The following FAM222A variants were observed in gnomAD, a reference collection of about 807,000 sequenced individuals.
FAM222A encodes family with sequence similarity 222 member A.
In FAM222A, 7 loss-of-function variants were observed where a neutral mutation model predicts 25.8. The observed-to-expected ratio is 0.27, with a 90% CI of 0.15 to 0.51. FAM222A has a LOEUF of 0.51. Among genes scored for constraint, FAM222A ranks in the 20% least tolerant of loss-of-function variants. The pLI is 0.97. For missense variants in FAM222A, 573 were observed against 640.5 expected, an observed-to-expected ratio of 0.89 and a Z score of 1.14; for synonymous variants, 294 against 298.8, an observed-to-expected ratio of 0.98 and a Z score of 0.17.
chr12:109,721,120 G>C (rs1051102521), intron 1 of FAM222A, among the ~76,000 whole-genome samples: 3 of 152,038 alleles, frequency 2.0e-5, no homozygotes, highest in Non-Finnish European at 4.4e-5. Flanking sequence ...CTCTCTGAAG[G>C]GTGTTTTTAT....
intron 1 of FAM222A, 127 bp from the exon 2 acceptor site, chr12:109,743,974 G>A: frequency 1.4e-6 from 2 of 1,417,306 alleles, no homozygotes; most frequent in Non-Finnish European, 1.8e-6. Flanking sequence ...TCGAATAAGG[G>A]AAATGGGTGT....
intron 2 of FAM222A, among the ~76,000 whole-genome samples, chr12:109,745,308 T>C (rs1455129385): frequency 6.6e-6 from 1 of 152,236 alleles, no homozygotes; most frequent in Non-Finnish European, 1.5e-5. Context: ...TCCTCATTCT[T>C]TCGCCACATA....
chr12:109,723,034 C>A (rs1458612774), intron 1 of FAM222A, among the ~76,000 whole-genome samples: 3 of 151,608 alleles, frequency 2.0e-5, no homozygotes, highest in African/African-American at 7.3e-5. Context: ...GGCCTTATTT[C>A]TTTTCATCAG....
chr12:109,734,841 G>C (rs1462160654), intron 1 of FAM222A: 1 of 152,226 alleles, frequency 6.6e-6, no homozygotes, highest in Admixed American at 6.5e-5. Context: ...TTAGAGACAC[G>C]ACGCCCCTCT....
rs1344748717 is a variant in FAM222A, at chr12:109,714,063, G to T, written c.-881G>T. Among the ~76,000 whole-genome samples, 2 of 150,790 alleles carry T rather than the reference G, an allele frequency of 1.3e-5. No individual in the cohort carries two copies. Among genetic ancestry groups the T allele is most frequent in the Non-Finnish European group, 3.0e-5 (2 of 67,550 alleles). ...GGCGCGTGAGAGCCCAGCGCGCGCGGCCCCTGCTGCGGCTTGCGAGCTCGC... is the reference window on the plus strand; with the variant it reads ...GGCGCGTGAGAGCCCAGCGCGCGCGTCCCCTGCTGCGGCTTGCGAGCTCGC... On this transcript the variant is annotated 5_prime_UTR_variant, in exon 1 of 3. Transcript: ENST00000538780. The surrounding 1 kb of genome is among the most constrained non-coding windows in gnomAD (Gnocchi z 4.2).
intron 2 of FAM222A, among the ~76,000 whole-genome samples, chr12:109,755,811 T>C (rs1237319025): frequency 6.6e-6 from 1 of 152,266 alleles, no homozygotes; most frequent in African/African-American, 2.4e-5. Flanking sequence ...TTTCTGGATT[T>C]TCTATTCCAT....
chr12:109,745,131 C>T (rs1888361902), intron 2 of FAM222A, among the ~76,000 whole-genome samples: 1 of 152,246 alleles, frequency 6.6e-6, no homozygotes, highest in South Asian at 2.1e-4. Flanking sequence ...GGGCCAGCCA[C>T]CCGCTTCCCT....
chr12:109,769,538 C>G lies in FAM222A; in HGVS notation c.*250C>G, dbSNP rs1889183688. ...GAGGGCCTGGGGGCAGCCACTGACG[C>G]CCATGCCTTCCTTTATCTAAGCTGG... is the stretch of plus-strand genomic sequence containing the variant. On this transcript the variant is annotated 3_prime_UTR_variant, in exon 3 of 3. Transcript: ENST00000538780. 1.9e-6 allele frequency: 1 copy of G among 539,134 alleles called. No individual in the cohort carries two copies. 33.4% of individuals were successfully genotyped at this position (539,134 alleles called of 1,614,324 possible). A position where few individuals can be genotyped will look rare whatever the true frequency, so the allele number is the denominator to read the frequency against.
In FAM222A at chr12:109,744,946, C is replaced by T. The variant is rs145106741; in HGVS notation, c.82+718C>T. ...GTCTGTCTCCAGGTCACCGCGGTCC[C>T]CACCCCTCCCTATTGCTTCTGTGCT... On this transcript the variant is annotated intron_variant, in intron 2 of 2. Coordinates refer to ENST00000538780, the MANE Select transcript of FAM222A (RefSeq NM_032829.3). 6.7e-3 allele frequency: 1,508 copies of T among 223,944 alleles called. 6 individuals carry two copies. The highest frequency in any genetic ancestry group is 9.3e-3 in the Non-Finnish European group (1,248 of 133,702). 13.9% of individuals were successfully genotyped at this position (223,944 alleles called of 1,614,324 possible). A position where few individuals can be genotyped will look rare whatever the true frequency, so the allele number is the denominator to read the frequency against.
At position 109,769,078 on chromosome 12, in the gene FAM222A, C is replaced by T. The variant is rs1218878623; in HGVS notation, c.1149C>T (p.Pro383=). ...GPGAARELAG[P]PADALSGLPS... ...GGGCAGCCCGGGAGCTGGCTGGGCC[C>T]CCTGCAGATGCCCTCTCGGGCCTGC... Residue 383 remains proline (P), a synonymous_variant, in exon 3 of 3, where the codon CCC becomes CCT. Coordinates refer to ENST00000538780, the MANE Select transcript of FAM222A (RefSeq NM_032829.3). 6.2e-7 allele frequency: 1 copy of T among 1,603,178 alleles called. No homozygotes were observed. Among genetic ancestry groups the T allele is most frequent in the East Asian group, 2.2e-5 (1 of 44,480 alleles).
intron 1 of FAM222A, chr12:109,719,996 C>G (rs1159199274): frequency 3.0e-5 from 20 of 658,636 alleles, no homozygotes; most frequent in Non-Finnish European, 3.6e-5. Flanking sequence ...CTCTGTGCCT[C>G]AGTTTCCTCT....
At chr12:109,763,156 T>C (rs1391980433) in intron 2 of FAM222A, among the ~76,000 whole-genome samples, 4 of 152,190 alleles carry the variant, frequency 2.6e-5, no homozygotes, top group African/African-American at 4.8e-5. Context: ...ATGAAGCCCC[T>C]GGCTTTGCCC....
chr12:109,753,821 A>C (rs1050509598), intron 2 of FAM222A, among the ~76,000 whole-genome samples: 19 of 152,198 alleles, frequency 1.2e-4, no homozygotes, highest in Non-Finnish European at 4.4e-5. Context: ...TGCTAATAAA[A>C]GATGGAAGAA....
chr12:109,720,079 AG>A, intron 1 of FAM222A: 1 of 985,010 alleles, frequency 1.0e-6, no homozygotes, highest in Non-Finnish European at 1.2e-6. Flanking sequence ...TAGTGCTTGC[AG>A]GGGGCTTAGC....
chr12:109,740,569 A>G (rs1888212339), intron 1 of FAM222A, among the ~76,000 whole-genome samples: 1 of 152,150 alleles, frequency 6.6e-6, no homozygotes, highest in South Asian at 2.1e-4. Flanking sequence ...AGATGGGGTC[A>G]CAGAAAGAAC....
rs1889200980 is a variant in FAM222A at position 109,770,105 on chromosome 12, A to C, written c.*817A>C. 1 of 152,316 alleles carries C rather than the reference A, an allele frequency of 6.6e-6. No individual in the cohort carries two copies. Among genetic ancestry groups the C allele is most frequent in the Non-Finnish European group, 1.5e-5 (1 of 68,062 alleles). 9.4% of individuals were successfully genotyped at this position (152,316 alleles called of 1,614,324 possible). ...GAAGGGGCGTCATTTTCCTGTTCGC[A>C]CAAAGGCACCACAGGGGCTAACAGT... On this transcript the variant is annotated 3_prime_UTR_variant, in exon 3 of 3. Transcript: ENST00000538780.
intron 1 of FAM222A, among the ~76,000 whole-genome samples, chr12:109,737,002 C>T (rs1227213335): frequency 2.0e-5 from 3 of 152,084 alleles, no homozygotes; most frequent in Admixed American, 6.5e-5. Context: ...GCTGTAGCAC[C>T]GTGAACCCAT....
chr12:109,714,252 C>T lies in FAM222A; in HGVS notation c.-692C>T. The stretch of plus-strand genomic sequence containing the variant: ...CCGCTGTTCGCCGGCTTCCCCTCCC[C>T]CCACACCCGGGGCTCAGAGCAGGAG... On this transcript the variant is annotated 5_prime_UTR_variant, in exon 1 of 3. Coordinates refer to ENST00000538780, the MANE Select transcript of FAM222A (RefSeq NM_032829.3). The surrounding 1 kb of genome is among the most constrained non-coding windows in gnomAD (Gnocchi z 4.2). 1 of 193,084 alleles carries T rather than the reference C, an allele frequency of 5.2e-6. No individual in the cohort carries two copies. Among genetic ancestry groups the T allele is most frequent in the Non-Finnish European group, 1.1e-5 (1 of 94,860 alleles). The allele number at this position is 193,084 out of a possible 1,614,324, so 12.0% of individuals were successfully genotyped here.
At chr12:109,718,119 C>T (rs1032967780) in intron 1 of FAM222A, among the ~76,000 whole-genome samples, 1 of 152,224 alleles carries the variant, frequency 6.6e-6, no homozygotes, top group East Asian at 1.9e-4. Flanking sequence ...GGGCCTAGCA[C>T]AGCACACAGT....
Sources: allele counts gnomAD v4.1 joint callset (sites outside exome capture counted in the v4.1 genomes callset), GRCh38; gene constraint gnomAD v4.1.1; non-coding constraint Gnocchi (gnomAD v3.1); transcripts MANE v1.5; gene names NCBI Gene and HGNC (gene_info 2026-07-23, HGNC 2026-07-21).